The following GBA1 variants were observed in gnomAD, a reference collection of about 807,000 sequenced individuals.
GBA1 encodes glucosylceramidase beta 1, also known as lysosomal acid glucosylceramidase.
the GBA1 span, chr1:155,241,298 C>T: frequency 1.5e-6 from 1 of 655,084 alleles, no homozygotes; most frequent in Non-Finnish European, 2.8e-6. Context: ...CGTCACATGA[C>T]ACAGGAAGTG....
At chr1:155,235,202 G>A in the GBA1 span, 1 of 1,612,818 alleles carries the variant, frequency 6.2e-7, no homozygotes, top group Non-Finnish European at 8.5e-7. Context: ...CACCGGTTTA[G>A]CACGACCACA....
the GBA1 span, chr1:155,240,077 C>T: frequency 8.1e-6 from 13 of 1,613,334 alleles, no homozygotes; most frequent in African/African-American, 1.3e-5. Context: ...GGGGCGGGCA[C>T]CTGGGAGGGA....
the GBA1 span, chr1:155,236,245 C>G: frequency 5.6e-6 from 9 of 1,613,410 alleles, no homozygotes; most frequent in Middle Eastern, 1.6e-4. Flanking sequence ...GGTGGCTTAC[C>G]GTGATGATGC....
the GBA1 span, chr1:155,238,228 A>G: frequency 1.2e-5 from 20 of 1,613,912 alleles, no homozygotes; most frequent in Admixed American, 3.3e-5. Flanking sequence ...GTCTTGAGCC[A>G]AGTGGGTGAT....
the GBA1 span, chr1:155,241,019 C>G: frequency 7.1e-7 from 1 of 1,400,884 alleles, no homozygotes; most frequent in Non-Finnish European, 1.0e-6. Context: ...GTCTGTCATT[C>G]ATTAAATTCC....
chr1:155,235,780 G>A, the GBA1 span: 3 of 1,614,220 alleles, frequency 1.9e-6, no homozygotes, highest in Non-Finnish European at 1.7e-6. Context: ...CACCCAATTG[G>A]GTCCTCCTTC....
At chr1:155,238,061 G>A in the GBA1 span, 10 of 1,494,928 alleles carry the variant, frequency 6.7e-6, no homozygotes, top group Middle Eastern at 1.8e-4. Flanking sequence ...GAACTAGGTT[G>A]AGGGTTGGGA....
chr1:155,241,204 T>C, the GBA1 span: 2 of 1,270,070 alleles, frequency 1.6e-6, no homozygotes, highest in Non-Finnish European at 2.3e-6. Flanking sequence ...AGGATGCAGG[T>C]ACCTGCCTTA....
At chr1:155,240,135 C>T in the GBA1 span, 1 of 1,493,510 alleles carries the variant, frequency 6.7e-7, no homozygotes, top group East Asian at 2.3e-5. Flanking sequence ...AGAATGGACA[C>T]ATCTGCTAGG....
At chr1:155,236,787 G>GTA in the GBA1 span, among the ~76,000 whole-genome samples, 230 of 151,346 alleles carry the variant, frequency 1.5e-3, 4 homozygotes, top group East Asian at 0.032. Context: ...GTGTGTGTGT[G>GTA]TATATATATA....
chr1:155,241,466 C>A, the GBA1 span, among the ~76,000 whole-genome samples: 1 of 152,096 alleles, frequency 6.6e-6, no homozygotes, highest in Non-Finnish European at 1.5e-5. Flanking sequence ...GCTCCTAAAT[C>A]CCAGAGGATG....
the GBA1 span, chr1:155,236,582 T>C: frequency 4.6e-5 from 40 of 865,628 alleles, no homozygotes; most frequent in Non-Finnish European, 5.5e-5. Flanking sequence ...CTAGAGAGGT[T>C]TGGGGAGATT....
At chr1:155,241,854 C>A in the GBA1 span, among the ~76,000 whole-genome samples, 204 of 152,292 alleles carry the variant, frequency 1.3e-3, 1 homozygote, top group African/African-American at 4.5e-3. Context: ...GTGGTCAGTG[C>A]GGCTCCTCTG....
chr1:155,239,217 C>CAA, the GBA1 span, among the ~76,000 whole-genome samples: 4 of 116,994 alleles, frequency 3.4e-5, no homozygotes, highest in Admixed American at 9.2e-5. Flanking sequence ...GACTCTGTCT[C>CAA]AAAAAAAAAA....
the GBA1 span, chr1:155,244,275 C>T: frequency 0.38 from 58,009 of 151,736 alleles, 12,244 homozygotes; most frequent in East Asian, 0.7. Flanking sequence ...TGGCGGGTGC[C>T]TGTAATCCCA....
the GBA1 span, chr1:155,239,791 T>C: frequency 6.2e-7 from 1 of 1,613,922 alleles, no homozygotes; most frequent in Non-Finnish European, 8.5e-7. Context: ...AATAAGGGTA[T>C]CAGTACCCAG....
At chr1:155,243,298 A>G in the GBA1 span, among the ~76,000 whole-genome samples, 1 of 152,360 alleles carries the variant, frequency 6.6e-6, no homozygotes, top group East Asian at 1.9e-4. Context: ...TGGGTAGGGC[A>G]GGTAATATCT....
the GBA1 span, among the ~76,000 whole-genome samples, chr1:155,236,912 T>C: frequency 4.6e-5 from 7 of 152,126 alleles, no homozygotes; most frequent in Non-Finnish European, 1.0e-4. Context: ...CCTCCCAGGC[T>C]GGAGTGCAGT....
the GBA1 span, among the ~76,000 whole-genome samples, chr1:155,239,309 C>T: frequency 2.0e-5 from 3 of 151,946 alleles, no homozygotes; most frequent in Non-Finnish European, 4.4e-5. Flanking sequence ...GCAGGTATAT[C>T]ATTTGAGGTC....
Sources: gnomAD v4.1 joint callset for allele counts (sites outside exome capture counted in the v4.1 genomes callset) on GRCh38, gnomAD v4.1.1 for gene constraint, MANE v1.5 for transcripts, NCBI Gene and HGNC (gene_info 2026-07-23, HGNC 2026-07-21) for gene names.